The following EFHD1 variants were observed in gnomAD, a reference collection of about 807,000 sequenced individuals.
The protein encoded by EFHD1 is EF-hand domain family member D1, also known as EF-hand domain-containing protein D1.
Under a neutral mutation model 17.2 loss-of-function variants are expected in EFHD1, and 10 were observed. That is an observed-to-expected ratio of 0.58 (90% confidence interval 0.36 to 0.99). The LOEUF (loss-of-function observed/expected upper bound fraction) is 0.99, where lower values mean the gene tolerates loss of function less well. EFHD1 is among the 50% of genes least tolerant of loss of function. The pLI, the probability that EFHD1 is intolerant of heterozygous loss-of-function variation, is 0.01. For synonymous variants in EFHD1, 153 were observed against 142.0 expected (o/e 1.08, Z -0.55); for missense variants, 310 against 327.5 (o/e 0.95, Z 0.41).
At chr2:232,662,560 G>A (rs1340208873) in intron 1 of EFHD1, among the ~76,000 whole-genome samples, 1 of 152,070 alleles carries the variant, frequency 6.6e-6, no homozygotes, top group African/African-American at 2.4e-5. Context: ...AGAAATTATG[G>A]TTTAGTTGAG....
intron 2 of EFHD1, among the ~76,000 whole-genome samples, chr2:232,663,661 C>T (rs1330078981): frequency 1.3e-5 from 2 of 152,160 alleles, no homozygotes; most frequent in African/African-American, 2.4e-5. Context: ...CCACCAAGCC[C>T]GGCCTACATG....
intron 1 of EFHD1, among the ~76,000 whole-genome samples, chr2:232,662,488 T>C (rs757484559): frequency 5.3e-5 from 8 of 152,062 alleles, no homozygotes; most frequent in Non-Finnish European, 1.0e-4. Flanking sequence ...AGGTGCTCGC[T>C]TGATGTTTGT....
chr2:232,663,495 A>C (rs973565370), intron 2 of EFHD1, among the ~76,000 whole-genome samples: 1 of 151,858 alleles, frequency 6.6e-6, no homozygotes, highest in Non-Finnish European at 1.5e-5. Context: ...TTAGCCTCCC[A>C]AGTAGCTGGG....
At chr2:232,606,498 C>A (rs1220761834) in intron 1 of EFHD1, 4 of 449,948 alleles carry the variant, frequency 8.9e-6, no homozygotes, top group East Asian at 4.0e-5. Flanking sequence ...TCTTTTTTTA[C>A]TCACCGCCAT....
intron 1 of EFHD1, among the ~76,000 whole-genome samples, chr2:232,617,652 CAAAAA>C (rs1192954692): frequency 1.0e-5 from 1 of 99,250 alleles, no homozygotes; most frequent in Non-Finnish European, 2.0e-5. Flanking sequence ...GACTCCGTCT[CAAAAA>C]AAAAAAAAAA....
At chr2:232,647,658 C>T (rs923948149) in intron 1 of EFHD1, among the ~76,000 whole-genome samples, 11 of 35,800 alleles carry the variant, frequency 3.1e-4, no homozygotes, top group Admixed American at 4.8e-4. Context: ...TTTTTTGAGA[C>T]GGAGTTTTGC....
At chr2:232,659,304 A>G (rs78086599) in intron 1 of EFHD1, among the ~76,000 whole-genome samples, 1 of 151,994 alleles carries the variant, frequency 6.6e-6, no homozygotes, top group Non-Finnish European at 1.5e-5. Context: ...AAAAAAAAAA[A>G]CACAAGAAAT....
chr2:232,674,031 C>A (rs1695127421), intron 3 of EFHD1, among the ~76,000 whole-genome samples: 1 of 151,568 alleles, frequency 6.6e-6, no homozygotes, highest in Admixed American at 6.6e-5. Context: ...GCCTTAGCAT[C>A]CTGAGTAGCT....
At chr2:232,649,143 C>T (rs1182434826) in intron 1 of EFHD1, among the ~76,000 whole-genome samples, 1 of 152,206 alleles carries the variant, frequency 6.6e-6, no homozygotes, top group Non-Finnish European at 1.5e-5. Flanking sequence ...GTGACTGACT[C>T]ATGGACCTGA....
intron 1 of EFHD1, among the ~76,000 whole-genome samples, chr2:232,656,010 G>T (rs1480336247): frequency 6.6e-6 from 1 of 152,008 alleles, no homozygotes; most frequent in Non-Finnish European, 1.5e-5. Context: ...GTTTCACTGT[G>T]TTAGCCAGGA....
chr2:232,627,246 G>GA (rs1172175802), intron 1 of EFHD1, among the ~76,000 whole-genome samples: 1,543 of 93,670 alleles, frequency 0.016, 34 homozygotes, highest in Admixed American at 0.084. Flanking sequence ...AACACAAACA[G>GA]AAAAAAAAAA....
chr2:232,616,818 G>T (rs891236450), intron 1 of EFHD1, among the ~76,000 whole-genome samples: 9 of 137,678 alleles, frequency 6.5e-5, no homozygotes, highest in Non-Finnish European at 1.6e-4. Flanking sequence ...TTAAGATGAT[G>T]GTAAATTTTA....
At chr2:232,669,602 CTTT>C (rs35352156) in intron 2 of EFHD1, among the ~76,000 whole-genome samples, 3 of 131,766 alleles carry the variant, frequency 2.3e-5, no homozygotes, top group Admixed American at 7.8e-5. Context: ...TTTGAGAAGG[CTTT>C]TTTTTTTTTT....
At position 232,681,573 on chromosome 2, in the gene EFHD1, A is replaced by AT; in HGVS notation, c.586-9dup. ...CTTACTCGTTTGGTCTATGTCTGCT[A>AT]TTTCTCTGCAGGTCCAAGCCTTGTC... On this transcript the variant is annotated splice_polypyrimidine_tract_variant and intron_variant, in intron 3 of 3. Coordinates refer to ENST00000264059, the MANE Select transcript of EFHD1 (RefSeq NM_025202.4). 1 of 1,613,460 alleles carries AT rather than the reference A, an allele frequency of 6.2e-7. No homozygotes were observed. The highest frequency in any genetic ancestry group is 8.5e-7 in the Non-Finnish European group (1 of 1,179,678).
At chr2:232,640,812 C>T (rs4528745) in intron 1 of EFHD1, among the ~76,000 whole-genome samples, 40,274 of 152,030 alleles carry the variant, frequency 0.26, 6,819 homozygotes, top group Middle Eastern at 0.39. Context: ...TCGTTCTGGG[C>T]ACAGCCAGGG....
chr2:232,666,841 C>T (rs1694975753), intron 2 of EFHD1, among the ~76,000 whole-genome samples: 1 of 152,146 alleles, frequency 6.6e-6, no homozygotes, highest in African/African-American at 2.4e-5. Flanking sequence ...TGGTTTCCAC[C>T]TCTGCTTAAG....
chr2:232,625,256 G>A (rs1319089827), intron 1 of EFHD1, among the ~76,000 whole-genome samples: 1 of 151,940 alleles, frequency 6.6e-6, no homozygotes, highest in African/African-American at 2.4e-5. Context: ...AGCCTCCGGA[G>A]TAGCTGGGAC....
intron 1 of EFHD1, among the ~76,000 whole-genome samples, chr2:232,621,997 T>G (rs1330160943): frequency 2.6e-5 from 4 of 152,200 alleles, no homozygotes; most frequent in African/African-American, 7.2e-5. Context: ...GCCAGAGAAT[T>G]TGGGGAATTG....
At chr2:232,673,328 G>A (rs1297815878) in intron 3 of EFHD1, among the ~76,000 whole-genome samples, 2 of 152,174 alleles carry the variant, frequency 1.3e-5, no homozygotes, top group Non-Finnish European at 1.5e-5. Flanking sequence ...AGGGTTGAGA[G>A]CCCGAGCTTA....
Sources: gnomAD v4.1 joint callset for allele counts (sites outside exome capture counted in the v4.1 genomes callset) on GRCh38, gnomAD v4.1.1 for gene constraint, MANE v1.5 for transcripts, NCBI Gene and HGNC (gene_info 2026-07-23, HGNC 2026-07-21) for gene names.